RXRA: variants seen among roughly 807,000 people sequenced by gnomAD.
RXRA encodes the protein retinoid X receptor alpha.
Under a neutral mutation model 44.5 loss-of-function variants are expected in RXRA, and 5 were observed. That is an observed-to-expected ratio of 0.11 (90% CI 0.06 to 0.24). The LOEUF (loss-of-function observed/expected upper bound fraction) is 0.24, where lower values mean the gene tolerates loss of function less well. Ranked by LOEUF, RXRA falls within the 10% of genes least tolerant of loss-of-function variation. The pLI is 1.00. For missense variants in RXRA, 412 were observed against 646.5 expected, an observed-to-expected ratio of 0.64 and a Z score of 3.93; for synonymous variants, 291 against 271.4, an observed-to-expected ratio of 1.07 and a Z score of -0.71.
At position 134,421,731 on chromosome 9, in the gene RXRA, T is replaced by G; in HGVS notation, c.836T>G (p.Leu279Arg). 1 of 1,590,628 alleles carries G rather than the reference T, an allele frequency of 6.3e-7. No individual in the cohort carries two copies. Among genetic ancestry groups the G allele is most frequent in the South Asian group, 1.1e-5 (1 of 89,584 alleles). The change falls in exon 6 of 10, where the codon CTG becomes CGG. Residue 279 changes from leucine (L) to arginine (R), a missense_variant. Around this residue, in one of 4 missense-constraint regions of RXRA, gnomAD observed 141 missense variants for 270.8 expected, o/e 0.52. Transcript: ENST00000481739. ...GCAGCCGACAAACAGCTTTTCACCC[T>G]GGTGGAGTGGGCCAAGCGGATCCCA... Reference protein sequence around the residue: ...CQAADKQLFTLVEWAKRIPHF... With the variant: ...CQAADKQLFTRVEWAKRIPHF...
chr9:134,426,621 GC>G lies in RXRA; in HGVS notation c.911-2483del. ...CCTTCTGACCCCAGCCGTGCACTAG[GC>G]CCCTCTGCTGGGCACACCAGAGTTT... On this transcript the variant is annotated intron_variant, in intron 6 of 9. Transcript: ENST00000481739. The surrounding 1 kb of genome is among the most constrained non-coding windows in gnomAD (Gnocchi z 4.6). 1.0e-6 allele frequency: 1 copy of G among 985,424 alleles called. No homozygotes were observed. The highest frequency in any genetic ancestry group is 1.2e-6 in the Non-Finnish European group (1 of 829,930). The allele number at this position is 985,424 out of a possible 1,614,324, so 61.0% of individuals were successfully genotyped here.
At chr9:134,373,842 T>G (rs1830519521) in intron 1 of RXRA, among the ~76,000 whole-genome samples, 1 of 152,356 alleles carries the variant, frequency 6.6e-6, no homozygotes, top group African/African-American at 2.4e-5. Flanking sequence ...TTATTTTAAT[T>G]AAAAATTTAA....
At chr9:134,339,451 G>A (rs1830055362) in intron 1 of RXRA, among the ~76,000 whole-genome samples, 1 of 151,848 alleles carries the variant, frequency 6.6e-6, no homozygotes, top group South Asian at 2.1e-4. Flanking sequence ...GTGTGAGTGT[G>A]TGCCTGTGTG....
At chr9:134,368,146 T>C (rs11185660) in intron 1 of RXRA, among the ~76,000 whole-genome samples, 44,202 of 152,160 alleles carry the variant, frequency 0.29, 6,899 homozygotes, top group African/African-American at 0.4. Context: ...CACCTGTGTC[T>C]CTGGAGAGCC....
chr9:134,422,925 GCT>G (rs1831371970), intron 6 of RXRA: 2 of 985,366 alleles, frequency 2.0e-6, no homozygotes, highest in Non-Finnish European at 2.4e-6. Flanking sequence ...CAAGGCCGCA[GCT>G]CTCTTTCCAT....
At position 134,412,701 on chromosome 9, in the gene RXRA, C is replaced by T. The variant is rs192152828; in HGVS notation, c.610+3582C>T. The stretch of plus-strand genomic sequence containing the variant: ...TGAGCCTGGGCCTGTTTGCTGAAGC[C>T]GGGGAGGGGGCAGGGGTTGGGGGTC... On this transcript the variant is annotated intron_variant, in intron 4 of 9. Coordinates refer to ENST00000481739, the MANE Select transcript of RXRA (RefSeq NM_002957.6). 5.4e-3 allele frequency among the ~76,000 whole-genome samples: 794 copies of T among 145,780 alleles called. 9 individuals carry two copies. The highest frequency in any genetic ancestry group is 0.018 in the African/African-American group (713 of 40,368).
At chr9:134,416,871 G>A (rs911374282) in intron 4 of RXRA, among the ~76,000 whole-genome samples, 20 of 152,114 alleles carry the variant, frequency 1.3e-4, no homozygotes, top group African/African-American at 4.6e-4. Context: ...GACCTTTCTC[G>A]CCCCATGTTG....
In RXRA at chr9:134,365,813, A is replaced by G. The variant is rs143669850; in HGVS notation, c.29-35819A>G. 8.5e-3 allele frequency among the ~76,000 whole-genome samples: 1,292 copies of G among 151,698 alleles called. 21 individuals carry two copies. The highest frequency in any genetic ancestry group is 0.03 in the African/African-American group (1,253 of 41,326). ...AGGGCCAGCCCAGAAGGACCCTCCC[A>G]TTACCCTCTGGTGGCTTGCCCATGC... On this transcript the variant is annotated intron_variant, in intron 1 of 9. Coordinates refer to ENST00000481739, the MANE Select transcript of RXRA (RefSeq NM_002957.6). This position sits in a 1 kb window ranked among gnomAD's most constrained non-coding sequence, Gnocchi z 4.0.
chr9:134,431,061 T>G (rs34623346), intron 7 of RXRA, among the ~76,000 whole-genome samples: 2,133 of 152,384 alleles, frequency 0.014, 20 homozygotes, highest in Middle Eastern at 0.034. Context: ...CTCCCCATTC[T>G]GCAGACCCTC....
chr9:134,352,722 G>A (rs1830236687), intron 1 of RXRA, among the ~76,000 whole-genome samples: 1 of 152,220 alleles, frequency 6.6e-6, no homozygotes, highest in African/African-American at 2.4e-5. Context: ...GGCGGGCAGT[G>A]TGGGGGCCAG....
Position 134,435,781 on chromosome 9 carries a change from T to C in RXRA, c.1242-686T>C, listed in dbSNP as rs115952358. Among the ~76,000 whole-genome samples, 1,520 of 152,250 alleles carry C rather than the reference T, an allele frequency of 1.0e-2. 31 individuals carry two copies. The highest frequency in any genetic ancestry group is 0.034 in the African/African-American group (1,417 of 41,542). ...CAGTGTGCTCAGCAGCCCTTTCCCT[T>C]ACAAGCCCCGCAGTCTCTTGCTGTG... On this transcript the variant is annotated intron_variant, in intron 9 of 9. Coordinates refer to ENST00000481739, the MANE Select transcript of RXRA (RefSeq NM_002957.6).
intron 1 of RXRA, among the ~76,000 whole-genome samples, chr9:134,396,564 C>CG (rs1324227482): frequency 6.6e-6 from 1 of 152,008 alleles, no homozygotes; most frequent in Non-Finnish European, 1.5e-5. Context: ...TTGCAGGGAC[C>CG]GGGAGCAGGC....
At chr9:134,411,945 G>A (rs919015480) in intron 4 of RXRA, among the ~76,000 whole-genome samples, 39 of 152,258 alleles carry the variant, frequency 2.6e-4, no homozygotes, top group African/African-American at 9.1e-4. Flanking sequence ...CCAGGCACTC[G>A]CCCTGCAGGG....
chr9:134,400,793 G>A (rs1328387147), intron 1 of RXRA, among the ~76,000 whole-genome samples: 1 of 152,182 alleles, frequency 6.6e-6, no homozygotes, highest in Non-Finnish European at 1.5e-5. Flanking sequence ...CTGCCCTCTT[G>A]TTCCTGGCAC....
chr9:134,393,772 G>A (rs891001864), intron 1 of RXRA, among the ~76,000 whole-genome samples: 4 of 152,242 alleles, frequency 2.6e-5, no homozygotes, highest in African/African-American at 4.8e-5. Flanking sequence ...CTCATGGGGA[G>A]CCCCCTCCTG....
intron 1 of RXRA, among the ~76,000 whole-genome samples, chr9:134,395,282 C>T (rs1166062281): frequency 6.6e-6 from 1 of 152,264 alleles, no homozygotes; most frequent in Non-Finnish European, 1.5e-5. Flanking sequence ...TCCCGCCTGG[C>T]CTCACCGTGG....
chr9:134,432,098 G>T, intron 8 of RXRA, 102 bp downstream of exon 8: 1 of 820,850 alleles, frequency 1.2e-6, no homozygotes, highest in Non-Finnish European at 2.0e-6. Flanking sequence ...CTACATGTGG[G>T]GCCAACTCCC....
intron 1 of RXRA, among the ~76,000 whole-genome samples, chr9:134,386,954 G>A (rs1830729340): frequency 6.6e-6 from 1 of 152,242 alleles, no homozygotes; most frequent in South Asian, 2.1e-4. Context: ...GTAGCCGGAG[G>A]GGTGCAGTGG....
At chr9:134,392,556 CCT>C (rs1160217370) in intron 1 of RXRA, among the ~76,000 whole-genome samples, 5 of 152,184 alleles carry the variant, frequency 3.3e-5, no homozygotes, top group Non-Finnish European at 7.3e-5. Context: ...TCACGGCTCT[CCT>C]CTGGCTTCCT....
Sources: allele counts gnomAD v4.1 joint callset (sites outside exome capture counted in the v4.1 genomes callset), GRCh38; gene constraint gnomAD v4.1.1; regional missense constraint gnomAD v4.1.1; non-coding constraint Gnocchi (gnomAD v3.1); transcripts MANE v1.5; gene names NCBI Gene and HGNC (gene_info 2026-07-23, HGNC 2026-07-21).